MYO1B: variants seen among roughly 807,000 people sequenced by gnomAD.
The protein encoded by MYO1B is myosin IB.
A neutral mutation model predicts 159.7 loss-of-function variants in MYO1B; 72 were observed. The observed-to-expected ratio is 0.45, with a 90% CI of 0.37 to 0.55. The LOEUF (loss-of-function observed/expected upper bound fraction) is 0.55, where lower values mean the gene tolerates loss of function less well. Ranked by LOEUF, MYO1B falls within the 20% of genes least tolerant of loss-of-function variation. The pLI is 0.00. For missense variants in MYO1B, 1,062 were observed against 1,364.8 expected (o/e 0.78, Z 3.50); for synonymous variants, 468 against 473.8 (o/e 0.99, Z 0.16).
At chr2:191,301,954 A>G (rs1243533446) in intron 3 of MYO1B, among the ~76,000 whole-genome samples, 2 of 152,176 alleles carry the variant, frequency 1.3e-5, no homozygotes, top group East Asian at 3.8e-4. Flanking sequence ...CCTTTAGTGT[A>G]GTGTTCAAGG....
intron 20 of MYO1B, 100 bp downstream of exon 20, chr2:191,393,322 C>G: frequency 7.6e-7 from 1 of 1,315,420 alleles, no homozygotes; most frequent in Non-Finnish European, 1.0e-6. Flanking sequence ...CTTAATTCTC[C>G]CAACAACCTC....
At chr2:191,276,744 C>A in intron 1 of MYO1B, 143 bp from the exon 2 acceptor site, 1 of 937,354 alleles carries the variant, frequency 1.1e-6, no homozygotes. Flanking sequence ...TGATGTGGTT[C>A]ATAGGGAGGA....
intron 3 of MYO1B, among the ~76,000 whole-genome samples, chr2:191,308,142 C>T (rs906101472): frequency 6.6e-6 from 1 of 152,226 alleles, no homozygotes; most frequent in South Asian, 2.1e-4. Context: ...CCACCTGAGT[C>T]CCCTCATTTG....
intron 30 of MYO1B, among the ~76,000 whole-genome samples, chr2:191,419,220 T>A (rs1697774547): frequency 6.6e-6 from 1 of 152,148 alleles, no homozygotes; most frequent in Non-Finnish European, 1.5e-5. Context: ...TTTATTATAC[T>A]ATACTTTTTT....
chr2:191,309,708 G>T (rs183674773), intron 3 of MYO1B, among the ~76,000 whole-genome samples: 266 of 152,290 alleles, frequency 1.7e-3, no homozygotes, highest in South Asian at 4.3e-3. Flanking sequence ...GGGCTGACTT[G>T]TTCTCTTACT....
At chr2:191,260,256 T>TTTTTTTTTTTTTTTTTTTTTTTG in intron 1 of MYO1B, among the ~76,000 whole-genome samples, 1 of 137,424 alleles carries the variant, frequency 7.3e-6, no homozygotes, top group Non-Finnish European at 1.6e-5. Flanking sequence ...CAGATAGGCT[T>TTTTTTTTTTTTTTTTTTTTTTTG]TTTTTTTTTT....
At position 191,360,685 on chromosome 2, in the gene MYO1B, A is replaced by G. The variant is rs1372985115; in HGVS notation, c.617A>G (p.His206Arg). The G allele has an allele frequency of 1.2e-6, 2 of 1,613,550 alleles. No homozygotes were observed. The change falls in exon 8 of 31, where the codon CAT (histidine) becomes CGT (arginine). Residue 206 changes from histidine (H) to arginine (R), a missense_variant. By Grantham distance (29) the His-to-Arg change is conservative (BLOSUM62 0). Around this residue, in one of 5 missense-constraint regions of MYO1B, gnomAD observed 415 missense variants for 544.0 expected, o/e 0.76. Transcript: ENST00000392318. ...VKQPRGERNF[H>R]VFYQLLSGAS... is the part of the protein sequence containing the mutation. ...CAGCCAAGAGGTGAAAGAAACTTCCATGTGTTCTATCAGCTGCTCTCTGGT... is the reference window on the plus strand; with the variant it reads ...CAGCCAAGAGGTGAAAGAAACTTCCGTGTGTTCTATCAGCTGCTCTCTGGT...
In MYO1B at chr2:191,424,154, G is replaced by A. The variant is rs1284889171; in HGVS notation, c.*194G>A. 1.6e-6 allele frequency: 1 copy of A among 619,068 alleles called. No homozygotes were observed. The highest frequency in any genetic ancestry group is 3.0e-5 in the Admixed American group (1 of 33,450). 38.3% of individuals were successfully genotyped at this position (619,068 alleles called of 1,614,324 possible). A position where few individuals can be genotyped will look rare whatever the true frequency, so the allele number is the denominator to read the frequency against. ...CCTTTCAAATACATGTTCTGTCCTGGAGCAGGATTGTAGAAACTAACAGTG... is the reference window on the plus strand; with the variant it reads ...CCTTTCAAATACATGTTCTGTCCTGAAGCAGGATTGTAGAAACTAACAGTG... On this transcript the variant is annotated 3_prime_UTR_variant, in exon 31 of 31. Coordinates refer to ENST00000392318, the MANE Select transcript of MYO1B (RefSeq NM_001130158.3).
chr2:191,304,760 G>A (rs1360522156), intron 3 of MYO1B, among the ~76,000 whole-genome samples: 1 of 152,126 alleles, frequency 6.6e-6, no homozygotes, highest in Non-Finnish European at 1.5e-5. Context: ...TTTATTAATT[G>A]AAAAGTGTTT....
chr2:191,400,622 T>A, intron 22 of MYO1B, 127 bp from the exon 23 acceptor site: 1 of 1,312,790 alleles, frequency 7.6e-7, no homozygotes, highest in Non-Finnish European at 1.1e-6. Context: ...TGTGGGGTGG[T>A]GGCACATGCT....
chr2:191,298,028 G>A (rs1275942964), intron 3 of MYO1B, among the ~76,000 whole-genome samples: 1 of 152,210 alleles, frequency 6.6e-6, no homozygotes, highest in African/African-American at 2.4e-5. Context: ...GATTTTCTCT[G>A]TATGATTAAA....
chr2:191,338,589 G>A (rs115442409), intron 4 of MYO1B, among the ~76,000 whole-genome samples: 2,854 of 152,232 alleles, frequency 0.019, 41 homozygotes, highest in Non-Finnish European at 0.031. Context: ...TCTCTGAGAG[G>A]TCAAATCAAT....
intron 3 of MYO1B, among the ~76,000 whole-genome samples, chr2:191,305,641 A>G (rs1334678810): frequency 1.3e-5 from 2 of 152,252 alleles, no homozygotes; most frequent in African/African-American, 4.8e-5. Context: ...AGACTGATAA[A>G]TAAATACCGA....
chr2:191,268,338 T>C (rs1223677488), intron 1 of MYO1B, among the ~76,000 whole-genome samples: 1 of 152,172 alleles, frequency 6.6e-6, no homozygotes, highest in African/African-American at 2.4e-5. Context: ...CTTTTTTTCT[T>C]ATAAGGACAC....
At chr2:191,355,948 C>T (rs1517837) in intron 7 of MYO1B, among the ~76,000 whole-genome samples, 69,889 of 151,986 alleles carry the variant, frequency 0.46, 17,053 homozygotes, top group African/African-American at 0.63. Flanking sequence ...CTTATACCTT[C>T]ATGTGCTATC....
chr2:191,260,253 G>GATTTTTTTTTTTTTTTTTTTT (rs1256549425), intron 1 of MYO1B, among the ~76,000 whole-genome samples: 1 of 22,616 alleles, frequency 4.4e-5, no homozygotes, highest in Admixed American at 1.3e-3. Context: ...TCCCAGATAG[G>GATTTTTTTTTTTTTTTTTTTT]CTTTTTTTTT....
chr2:191,410,291 C>T (rs1423270531), intron 26 of MYO1B, among the ~76,000 whole-genome samples: 1 of 152,138 alleles, frequency 6.6e-6, no homozygotes, highest in Admixed American at 6.5e-5. Flanking sequence ...TGAAGGGAGC[C>T]TTTCCATGGA....
chr2:191,258,122 C>T (rs939420634), intron 1 of MYO1B, among the ~76,000 whole-genome samples: 2 of 151,902 alleles, frequency 1.3e-5, no homozygotes, highest in Non-Finnish European at 2.9e-5. Context: ...TTTGTCATTG[C>T]GCAAACACCA....
Position 191,307,435 on chromosome 2 carries a change from T to C in MYO1B, c.251+11209T>C, listed in dbSNP as rs564068843. Among the ~76,000 whole-genome samples the C allele has an allele frequency of 3.9e-5, 6 of 152,298 alleles. No individual in the cohort carries two copies. In the South Asian group the frequency reaches 1.0e-3, roughly 26 times the overall value. ...CCAGCTTCTTTACCGCAACCTGTTT[T>C]ATCAGCAAGGTCTTTATAACCTGTA... On this transcript the variant is annotated intron_variant, in intron 3 of 30. Transcript: ENST00000392318.
Sources: allele counts gnomAD v4.1 joint callset (sites outside exome capture counted in the v4.1 genomes callset), GRCh38; gene constraint gnomAD v4.1.1; regional missense constraint gnomAD v4.1.1; transcripts MANE v1.5; gene names NCBI Gene and HGNC (gene_info 2026-07-23, HGNC 2026-07-21).